Variants in ADCK1 observed in about 807,000 individuals in gnomAD.
ADCK1 encodes aarF domain containing kinase 1.
Under a neutral mutation model 52.3 loss-of-function variants are expected in ADCK1, and 41 were observed. The ratio of observed to expected loss-of-function variants is 0.78; its 90% CI spans 0.61 to 1.02. The LOEUF (loss-of-function observed/expected upper bound fraction) is 1.02. Among genes scored for constraint, ADCK1 ranks in the 50% least tolerant of loss-of-function variants. The pLI, the probability that ADCK1 is intolerant of heterozygous loss-of-function variation, is 0.00. For missense variants in ADCK1, 658 were observed against 679.5 expected (o/e 0.97, Z 0.35); for synonymous variants, 250 against 274.6 (o/e 0.91, Z 0.89).
At chr14:77,841,848 T>TTA (rs751824842) in intron 3 of ADCK1, among the ~76,000 whole-genome samples, 1 of 109,658 alleles carries the variant, frequency 9.1e-6, no homozygotes, top group African/African-American at 3.7e-5. Context: ...TGACACTCTT[T>TTA]AAAAAAAAAA....
In ADCK1 at chr14:77,920,680, G is replaced by A. The variant is rs187810607; in HGVS notation, c.859-3777G>A. 2.6e-3 allele frequency among the ~76,000 whole-genome samples: 394 copies of A among 152,174 alleles called. 6 individuals carry two copies. Among genetic ancestry groups the A allele is most frequent in the Non-Finnish European group, 2.0e-3 (138 of 68,004 alleles). On this transcript the variant is annotated intron_variant, in intron 7 of 10. Transcript: ENST00000238561. ...TTTATGTATTTAGAGAGAAGGTCTCGCTGTATCACCCAGGCTGGAGTACAG... is the reference window on the plus strand; with the variant it reads ...TTTATGTATTTAGAGAGAAGGTCTCACTGTATCACCCAGGCTGGAGTACAG...
Position 77,859,225 on chromosome 14 carries a change from A to G in ADCK1, c.369A>G (p.Pro123=), listed in dbSNP as rs747527460. 1 of 1,614,056 alleles carries G rather than the reference A, an allele frequency of 6.2e-7. No individual in the cohort carries two copies. Among genetic ancestry groups the G allele is most frequent in the Non-Finnish European group, 8.5e-7 (1 of 1,179,988 alleles). Residue 123 remains proline, a synonymous_variant, in exon 4 of 11, where the codon CCA becomes CCG. Coordinates refer to ENST00000238561, the MANE Select transcript of ADCK1 (RefSeq NM_020421.4). ...TGAAGGTACTGCACAGCCAGGCTCCACAGAGCAGCATGCAAGAGATCCGCC... is the reference window on the plus strand; with the variant it reads ...TGAAGGTACTGCACAGCCAGGCTCCGCAGAGCAGCATGCAAGAGATCCGCC... The part of the protein sequence containing the change: ...STLKVLHSQA[P]QSSMQEIRQV...
In ADCK1 at chr14:77,933,572, C is replaced by G; in HGVS notation, c.*181C>G. 1.5e-6 allele frequency: 1 copy of G among 661,320 alleles called. No individual in the cohort carries two copies. Among genetic ancestry groups the G allele is most frequent in the Non-Finnish European group, 2.5e-6 (1 of 395,346 alleles). 41.0% of individuals were successfully genotyped at this position (661,320 alleles called of 1,614,324 possible). On this transcript the variant is annotated 3_prime_UTR_variant, in exon 11 of 11. Coordinates refer to ENST00000238561, the MANE Select transcript of ADCK1 (RefSeq NM_020421.4). ...GCACACTGTGGCCCTTGTCTCAGGG[C>G]CCACAAGCTGAACTGTGGCATAGCT...
At chr14:77,863,457 C>T (rs1028621419) in intron 4 of ADCK1, among the ~76,000 whole-genome samples, 4 of 151,718 alleles carry the variant, frequency 2.6e-5, no homozygotes, top group Admixed American at 6.6e-5. Flanking sequence ...CATGCACACA[C>T]ATACACACAC....
intron 3 of ADCK1, among the ~76,000 whole-genome samples, chr14:77,852,669 A>ATATATATAT (rs1555351626): frequency 1.4e-3 from 13 of 9,414 alleles, no homozygotes; most frequent in African/African-American, 2.8e-3. Flanking sequence ...AAATATATAT[A>ATATATATAT]TATATATATA....
intron 3 of ADCK1, among the ~76,000 whole-genome samples, chr14:77,829,493 C>A (rs1158562444): frequency 6.6e-6 from 1 of 151,070 alleles, no homozygotes; most frequent in African/African-American, 2.4e-5. Flanking sequence ...GACAGAGTCT[C>A]ACTATGTTGC....
At chr14:77,841,674 CAAAA>C (rs71128696) in intron 3 of ADCK1, among the ~76,000 whole-genome samples, 1 of 74,276 alleles carries the variant, frequency 1.3e-5, no homozygotes, top group Non-Finnish European at 2.4e-5. Context: ...ACTAAAAATA[CAAAA>C]AAAAAAAAAA....
intron 1 of ADCK1, among the ~76,000 whole-genome samples, chr14:77,817,739 C>CA (rs1555347061): frequency 2.1e-5 from 3 of 144,526 alleles, no homozygotes; most frequent in Non-Finnish European, 4.6e-5. Flanking sequence ...GGGTAGTCTT[C>CA]TTTTTTTTTT....
At chr14:77,852,665 ATATATAT>A (rs1566667143) in intron 3 of ADCK1, among the ~76,000 whole-genome samples, 1,196 of 88,830 alleles carry the variant, frequency 0.013, 44 homozygotes, top group African/African-American at 0.024. Flanking sequence ...AAATAAATAT[ATATATAT>A]ATATATATAT....
chr14:77,808,450 A>T (rs74063674), intron 1 of ADCK1, among the ~76,000 whole-genome samples: 4,454 of 152,262 alleles, frequency 0.029, 213 homozygotes, highest in African/African-American at 0.099. Context: ...ACATTGAGGA[A>T]CTGGGAGGAG....
intron 3 of ADCK1, among the ~76,000 whole-genome samples, chr14:77,832,703 A>G (rs2081882742): frequency 6.6e-6 from 1 of 152,206 alleles, no homozygotes. Flanking sequence ...AAAGGAATTG[A>G]TAGGTGCTGG....
chr14:77,829,645 C>G (rs1192266227), intron 3 of ADCK1, among the ~76,000 whole-genome samples: 1 of 151,394 alleles, frequency 6.6e-6, no homozygotes, highest in Non-Finnish European at 1.5e-5. Context: ...TCCAACATCA[C>G]AGAGTCCATA....
At chr14:77,857,088 G>A (rs1321734918) in intron 3 of ADCK1, among the ~76,000 whole-genome samples, 2 of 152,180 alleles carry the variant, frequency 1.3e-5, no homozygotes, top group Non-Finnish European at 2.9e-5. Context: ...CTGCTGTGTC[G>A]GGAGGTGGGC....
chr14:77,876,470 C>G (rs1341464443), intron 4 of ADCK1, among the ~76,000 whole-genome samples: 6 of 152,230 alleles, frequency 3.9e-5, no homozygotes, highest in African/African-American at 1.4e-4. Context: ...TTTGGGGCAC[C>G]TGCAAAGTAT....
chr14:77,895,978 C>T (rs1454806346), intron 5 of ADCK1, among the ~76,000 whole-genome samples: 2 of 152,062 alleles, frequency 1.3e-5, no homozygotes. Context: ...GGAAGTGACC[C>T]ACAACCCACA....
chr14:77,824,790 G>A (rs139443723), intron 3 of ADCK1, among the ~76,000 whole-genome samples: 92 of 152,032 alleles, frequency 6.1e-4, no homozygotes, highest in Non-Finnish European at 9.7e-4. Context: ...GTCCAAATAA[G>A]GTAGATATAT....
intron 4 of ADCK1, among the ~76,000 whole-genome samples, chr14:77,860,952 C>CAAGG (rs1469688620): frequency 2.0e-5 from 3 of 152,064 alleles, no homozygotes; most frequent in Non-Finnish European, 4.4e-5. Flanking sequence ...GGAGGTGGGA[C>CAAGG]AAGGGCAGGT....
At chr14:77,896,625 A>G (rs2083414805) in intron 5 of ADCK1, among the ~76,000 whole-genome samples, 1 of 152,210 alleles carries the variant, frequency 6.6e-6, no homozygotes, top group Admixed American at 6.5e-5. Flanking sequence ...GTTGCTGCCA[A>G]GGGCCATCTG....
intron 4 of ADCK1, among the ~76,000 whole-genome samples, chr14:77,859,877 A>G (rs1019087449): frequency 2.0e-5 from 3 of 152,294 alleles, no homozygotes; most frequent in South Asian, 4.1e-4. Context: ...GTTCTATACT[A>G]TTGTGGTTGT....
Sources: allele counts gnomAD v4.1 joint callset (sites outside exome capture counted in the v4.1 genomes callset), GRCh38; gene constraint gnomAD v4.1.1; transcripts MANE v1.5; gene names NCBI Gene and HGNC (gene_info 2026-07-23, HGNC 2026-07-21).